ACACA: variants seen among roughly 807,000 people sequenced by gnomAD.
ACACA encodes acetyl-CoA carboxylase alpha, also known as acetyl-CoA carboxylase 1.
ACACA carries 103 observed loss-of-function variants against 296.1 expected under a neutral mutation model. That is an observed-to-expected ratio of 0.35 (90% CI 0.30 to 0.41). The LOEUF (loss-of-function observed/expected upper bound fraction) is 0.41. Among genes scored for constraint, ACACA ranks in the 10% least tolerant of loss-of-function variants. ACACA has a pLI of 1.00. For synonymous variants in ACACA, 953 were observed against 1,038.6 expected (o/e 0.92, Z 1.58); for missense variants, 1,554 against 2,989.7 (o/e 0.52, Z 11.20).
intron 1 of ACACA, among the ~76,000 whole-genome samples, chr17:37,356,031 A>C: frequency 6.6e-6 from 1 of 151,624 alleles, no homozygotes; most frequent in East Asian, 2.0e-4. Flanking sequence ...TTAGCCGGGC[A>C]TGGTGGCGCA....
At chr17:37,144,248 G>A in intron 45 of ACACA, 3 of 690,052 alleles carry the variant, frequency 4.3e-6, no homozygotes, top group South Asian at 2.8e-5. Context: ...AAATGCGTAT[G>A]ACAACATCTT....
At chr17:37,140,425 A>G (rs933620093) in intron 45 of ACACA, among the ~76,000 whole-genome samples, 2 of 152,070 alleles carry the variant, frequency 1.3e-5, no homozygotes, top group African/African-American at 4.8e-5. Context: ...CCCACCTCCT[A>G]TCTATTCACT....
intron 47 of ACACA, 112 bp downstream of exon 47, chr17:37,129,253 C>CT (rs2074972781): frequency 6.9e-7 from 1 of 1,457,944 alleles, no homozygotes; most frequent in Non-Finnish European, 9.6e-7. Context: ...TTTCTAGGTA[C>CT]TTACCTCTGT....
chr17:37,308,015 C>G (rs2083961461), intron 3 of ACACA, among the ~76,000 whole-genome samples: 1 of 151,964 alleles, frequency 6.6e-6, no homozygotes, highest in Non-Finnish European at 1.5e-5. Context: ...AACCTATAAT[C>G]ACCAACTGCA....
At position 37,243,483 on chromosome 17, in the gene ACACA, A is replaced by G. The variant is rs1274047346; in HGVS notation, c.2819T>C (p.Met940Thr). ...SLPLLELQDIMTSVSGRIPPN... is the reference protein window; with the variant it reads ...SLPLLELQDITTSVSGRIPPN... Reference sequence around the variant, plus strand: ...GGGAATGCGGCCAGACACACTGGTCATAATATCTTGCAATTCTAGGAGAGG... The same window carrying G: ...GGGAATGCGGCCAGACACACTGGTCGTAATATCTTGCAATTCTAGGAGAGG... Residue 940 changes from methionine (M) to threonine (T), a missense_variant, in exon 22 of 56, where the codon ATG (methionine) becomes ACG (threonine). By Grantham distance (81) the Met-to-Thr change is moderately conservative. Transcript: ENST00000616317. The G allele has an allele frequency of 1.2e-6, 2 of 1,614,066 alleles. No individual in the cohort carries two copies. Among genetic ancestry groups the G allele is most frequent in the African/African-American group, 2.7e-5 (2 of 74,928 alleles).
At chr17:37,280,978 T>C (rs1256308096) in intron 5 of ACACA, among the ~76,000 whole-genome samples, 1 of 152,100 alleles carries the variant, frequency 6.6e-6, no homozygotes, top group East Asian at 1.9e-4. Flanking sequence ...CTGGTACACC[T>C]TTCTCTCCCC....
chr17:37,324,375 T>C (rs992592889), intron 3 of ACACA, among the ~76,000 whole-genome samples: 4 of 131,636 alleles, frequency 3.0e-5, no homozygotes, highest in African/African-American at 1.2e-4. Flanking sequence ...TCAAAAAAAT[T>C]AATAAATAAG....
At chr17:37,340,738 G>T (rs2048341070) in intron 1 of ACACA, among the ~76,000 whole-genome samples, 1 of 152,160 alleles carries the variant, frequency 6.6e-6, no homozygotes. Flanking sequence ...GAAGAGGAAG[G>T]AAAAAGTTTG....
At chr17:37,320,336 C>A (rs1354866669) in intron 3 of ACACA, among the ~76,000 whole-genome samples, 3 of 151,402 alleles carry the variant, frequency 2.0e-5, no homozygotes, top group Admixed American at 2.0e-4. Flanking sequence ...CATGGCGAAA[C>A]CCTGTCTCTA....
chr17:37,360,098 TG>T, intron 1 of ACACA: 1 of 152,230 alleles, frequency 6.6e-6, no homozygotes, highest in East Asian at 1.9e-4. Flanking sequence ...AAGACTTTCA[TG>T]GTAGCTGTGT....
At chr17:37,353,925 C>T (rs2049020489) in intron 1 of ACACA, among the ~76,000 whole-genome samples, 1 of 152,004 alleles carries the variant, frequency 6.6e-6, no homozygotes, top group Admixed American at 6.6e-5. Flanking sequence ...CTGAGCATTA[C>T]ACTGAGACCT....
chr17:37,327,308 A>C (rs2047666573), intron 3 of ACACA, among the ~76,000 whole-genome samples: 1 of 152,160 alleles, frequency 6.6e-6, no homozygotes. Flanking sequence ...AATGAATTTG[A>C]CTCAATTAAA....
intron 1 of ACACA, among the ~76,000 whole-genome samples, chr17:37,366,309 G>A (rs1334134105): frequency 6.6e-6 from 1 of 152,036 alleles, no homozygotes; most frequent in African/African-American, 2.4e-5. Flanking sequence ...TATTATATAT[G>A]AAACACAATA....
chr17:37,330,355 C>T lies in ACACA; in HGVS notation c.156G>A (p.Gln52=), dbSNP rs765371478. 1.9e-6 allele frequency: 3 copies of T among 1,614,228 alleles called. No individual in the cohort carries two copies. The highest frequency in any genetic ancestry group is 4.5e-5 in the East Asian group (2 of 44,894). Residue 52 remains glutamine, a synonymous_variant, in exon 3 of 56, where the codon CAG becomes CAA. Transcript: ENST00000616317. ...SPLAQPLELN[Q]HSRFIIGSVS... ...CAGAACCTATTATGAATCGAGAGTGCTGGTTCAGCTCCAGAGGTTGGGCCA... is the reference window on the plus strand; with the variant it reads ...CAGAACCTATTATGAATCGAGAGTGTTGGTTCAGCTCCAGAGGTTGGGCCA...
intron 42 of ACACA, among the ~76,000 whole-genome samples, chr17:37,158,156 C>T (rs2076325271): frequency 6.6e-6 from 1 of 152,118 alleles, no homozygotes; most frequent in Non-Finnish European, 1.5e-5. Flanking sequence ...GAGGTACCAT[C>T]TGTTGAGACA....
intron 43 of ACACA, among the ~76,000 whole-genome samples, chr17:37,152,342 T>A (rs1454373142): frequency 6.6e-6 from 1 of 152,154 alleles, no homozygotes; most frequent in Non-Finnish European, 1.5e-5. Flanking sequence ...GCAAAAGGCA[T>A]CATATCAACA....
intron 2 of ACACA, among the ~76,000 whole-genome samples, chr17:37,337,639 G>A (rs577678786): frequency 1.3e-5 from 2 of 151,896 alleles, no homozygotes; most frequent in East Asian, 3.9e-4. Flanking sequence ...TTTTTGTACA[G>A]ACAGCATCTC....
intron 3 of ACACA, among the ~76,000 whole-genome samples, chr17:37,312,055 A>T (rs2084176505): frequency 6.6e-6 from 1 of 152,138 alleles, no homozygotes; most frequent in Non-Finnish European, 1.5e-5. Flanking sequence ...GTTTGAGACC[A>T]GCCTGGACAA....
intron 3 of ACACA, among the ~76,000 whole-genome samples, chr17:37,321,720 C>G (rs1410219309): frequency 6.6e-6 from 1 of 151,894 alleles, no homozygotes; most frequent in South Asian, 2.1e-4. Flanking sequence ...TGCCCTCCAG[C>G]CTGGGCGACA....
Sources: gnomAD v4.1 joint callset for allele counts (sites outside exome capture counted in the v4.1 genomes callset) on GRCh38, gnomAD v4.1.1 for gene constraint, MANE v1.5 for transcripts, NCBI Gene and HGNC (gene_info 2026-07-23, HGNC 2026-07-21) for gene names.